DCC: variants seen among roughly 807,000 people sequenced by gnomAD.
The protein encoded by DCC is DCC netrin 1 receptor, also known as netrin receptor DCC.
A neutral mutation model predicts 172.5 loss-of-function variants in DCC; 58 were observed. That is an observed-to-expected ratio of 0.34 (90% CI 0.27 to 0.42). DCC has a LOEUF of 0.42. Among genes scored for constraint, DCC ranks in the 10% least tolerant of loss-of-function variants. The probability of loss-of-function intolerance (pLI) is 1.00; values close to 1 mark genes in which losing one functional copy is unlikely to be tolerated. For synonymous variants in DCC, 709 were observed against 644.5 expected (o/e 1.10, Z -1.52); for missense variants, 1,740 against 1,791.0 (o/e 0.97, Z 0.51).
At chr18:53,135,267 G>A (rs752245797) in intron 7 of DCC, among the ~76,000 whole-genome samples, 2 of 152,080 alleles carry the variant, frequency 1.3e-5, no homozygotes, top group South Asian at 4.1e-4. Context: ...TTCCAGAGAT[G>A]ATATAACTTG....
In DCC at chr18:53,032,587, C is replaced by T. The variant is rs900776238; in HGVS notation, c.986-30718C>T. On this transcript the variant is annotated intron_variant, in intron 5 of 28. Coordinates refer to ENST00000442544, the MANE Select transcript of DCC (RefSeq NM_005215.4). ...TTGTATCTGTGGATTCACTACCTATCGTCATAGTTCCTGAAATAAGAAAAT... is the reference window on the plus strand; with the variant it reads ...TTGTATCTGTGGATTCACTACCTATTGTCATAGTTCCTGAAATAAGAAAAT... Among the ~76,000 whole-genome samples the T allele has an allele frequency of 9.2e-5, 14 of 152,218 alleles. No homozygotes were observed. In the East Asian group the frequency reaches 1.4e-3, roughly 15 times the overall value.
intron 15 of DCC, among the ~76,000 whole-genome samples, chr18:53,344,922 T>A (rs1263135162): frequency 6.7e-6 from 1 of 149,338 alleles, no homozygotes; most frequent in Non-Finnish European, 1.5e-5. Flanking sequence ...AAAAGAAATA[T>A]GTCTTATAAG....
At chr18:53,291,413 C>A (rs1054788985) in intron 12 of DCC, among the ~76,000 whole-genome samples, 1 of 152,042 alleles carries the variant, frequency 6.6e-6, no homozygotes, top group African/African-American at 2.4e-5. Context: ...GTATTTAAAC[C>A]TTCTTTCTCT....
chr18:53,460,424 C>G (rs371857418), intron 24 of DCC, among the ~76,000 whole-genome samples: 1 of 95,832 alleles, frequency 1.0e-5, no homozygotes, highest in Admixed American at 1.2e-4. Context: ...AGTGCTATCC[C>G]TCCCCCCTCC....
rs187500147 is a variant in DCC at position 53,468,020 on chromosome 18, T to C, written c.3736+10T>C. On this transcript the variant is annotated intron_variant, in intron 25 of 28. Transcript: ENST00000442544. Reference sequence around the variant, plus strand: ...CAGTCCAACAATCCTGGTGAGTCAATATTGGTGCCACAATGAAGAAATGAA... The same window carrying C: ...CAGTCCAACAATCCTGGTGAGTCAACATTGGTGCCACAATGAAGAAATGAA... 38 of 1,249,948 alleles carry C rather than the reference T, an allele frequency of 3.0e-5. No homozygotes were observed. The highest frequency in any genetic ancestry group is 8.4e-5 in the Admixed American group (5 of 59,580). The allele number at this position is 1,249,948 out of a possible 1,614,324, so 77.4% of individuals were successfully genotyped here. A position where few individuals can be genotyped will look rare whatever the true frequency, so the allele number is the denominator to read the frequency against.
chr18:52,930,101 A>AT (rs1318903047), intron 5 of DCC, among the ~76,000 whole-genome samples: 7 of 150,474 alleles, frequency 4.7e-5, no homozygotes, highest in African/African-American at 1.7e-4. Flanking sequence ...TTGGCTATTT[A>AT]TTTTTTCTTT....
intron 15 of DCC, among the ~76,000 whole-genome samples, chr18:53,381,156 T>C (rs1568094648): frequency 2.0e-5 from 1 of 49,518 alleles, no homozygotes; most frequent in Non-Finnish European, 6.3e-5. Context: ...TCAGATTAAG[T>C]TAAAAATTCA....
At chr18:53,070,248 T>C (rs9963521) in intron 7 of DCC, among the ~76,000 whole-genome samples, 48,297 of 151,804 alleles carry the variant, frequency 0.32, 9,186 homozygotes, top group African/African-American at 0.54. Flanking sequence ...GATCCACCTG[T>C]CTCGGCCTCA....
intron 7 of DCC, among the ~76,000 whole-genome samples, chr18:53,152,285 T>C (rs1183549358): frequency 3.3e-5 from 5 of 152,178 alleles, no homozygotes; most frequent in Admixed American, 6.5e-5. Flanking sequence ...ATCTTTCATA[T>C]ACATCATAGG....
chr18:52,969,345 A>G (rs1598982688), intron 5 of DCC, among the ~76,000 whole-genome samples: 1 of 152,166 alleles, frequency 6.6e-6, no homozygotes, highest in East Asian at 1.9e-4. Context: ...TCTCCCTTGA[A>G]TTCCTTATAT....
intron 8 of DCC, among the ~76,000 whole-genome samples, chr18:53,173,138 T>A (rs537438259): frequency 8.5e-5 from 13 of 152,140 alleles, no homozygotes; most frequent in Non-Finnish European, 1.8e-4. Context: ...AGCAATTTGC[T>A]GACCTAAATG....
intron 5 of DCC, among the ~76,000 whole-genome samples, chr18:53,015,660 TG>T (rs1042542895): frequency 6.6e-6 from 1 of 152,142 alleles, no homozygotes; most frequent in Admixed American, 6.6e-5. Context: ...TTAAATAAAA[TG>T]GTATTTTTTT....
chr18:53,314,953 C>T (rs1022918801), intron 13 of DCC, among the ~76,000 whole-genome samples: 5 of 152,056 alleles, frequency 3.3e-5, no homozygotes, highest in African/African-American at 1.2e-4. Context: ...TAGATGGCCT[C>T]TAAACTGCTT....
chr18:53,516,881 T>G (rs1279128236), intron 27 of DCC, among the ~76,000 whole-genome samples: 6 of 142,712 alleles, frequency 4.2e-5, no homozygotes, highest in Non-Finnish European at 8.9e-5. Flanking sequence ...ATTGTGGAAG[T>G]CAGTGTGGCG....
At chr18:53,381,836 A>G (rs182140462) in intron 15 of DCC, among the ~76,000 whole-genome samples, 373 of 152,006 alleles carry the variant, frequency 2.5e-3, no homozygotes, top group African/African-American at 8.7e-3. Flanking sequence ...TATTTATTTA[A>G]ATTATCTGCC....
chr18:52,633,995 G>A (rs573009852), intron 1 of DCC, among the ~76,000 whole-genome samples: 3 of 152,354 alleles, frequency 2.0e-5, no homozygotes, highest in Middle Eastern at 3.4e-3. Context: ...GGTGGATGGC[G>A]TAGCACTCCT....
intron 5 of DCC, among the ~76,000 whole-genome samples, chr18:53,043,286 G>A (rs2042194349): frequency 6.6e-6 from 1 of 151,448 alleles, no homozygotes; most frequent in Admixed American, 6.6e-5. Flanking sequence ...ACACAGGGAG[G>A]GGAATATCAC....
intron 12 of DCC, among the ~76,000 whole-genome samples, chr18:53,282,030 A>T (rs535673533): frequency 6.6e-6 from 1 of 150,952 alleles, no homozygotes; most frequent in East Asian, 2.0e-4. Flanking sequence ...TAGCCTTTGC[A>T]GGAATACTGA....
At chr18:52,604,245 C>T (rs1354172909) in intron 1 of DCC, among the ~76,000 whole-genome samples, 4 of 152,060 alleles carry the variant, frequency 2.6e-5, no homozygotes, top group Admixed American at 2.0e-4. Context: ...TGTCTCCTTC[C>T]TTATCAACTT....
Sources: gnomAD v4.1 joint callset for allele counts (sites outside exome capture counted in the v4.1 genomes callset) on GRCh38, gnomAD v4.1.1 for gene constraint, MANE v1.5 for transcripts, NCBI Gene and HGNC (gene_info 2026-07-23, HGNC 2026-07-21) for gene names.